EGLN3: variants seen among roughly 807,000 people sequenced by gnomAD.
The protein encoded by EGLN3 is prolyl hydroxylase EGLN3.
A neutral mutation model predicts 26.0 loss-of-function variants in EGLN3; 15 were observed. The ratio of observed to expected loss-of-function variants is 0.58; its 90% CI spans 0.39 to 0.89. EGLN3 has a LOEUF of 0.89. Ranked by LOEUF, EGLN3 falls within the 40% of genes least tolerant of loss-of-function variation. The pLI is 0.00. For missense variants in EGLN3, 238 were observed against 311.6 expected (o/e 0.76, Z 1.78); for synonymous variants, 147 against 127.2 (o/e 1.16, Z -1.05).
rs1210580185 is a variant in EGLN3, at chr14:33,950,774, C to T, written c.-22G>A. ...GCATCTCGCCCGCAGAATCGAGGTC[C>T]GGGATCCCCAGCGTGCAACCAGAGA... On this transcript the variant is annotated 5_prime_UTR_variant, in exon 1 of 5. Coordinates refer to ENST00000250457, the MANE Select transcript of EGLN3 (RefSeq NM_022073.4). 1 of 1,581,320 alleles carries T rather than the reference C, an allele frequency of 6.3e-7. No homozygotes were observed. Among genetic ancestry groups the T allele is most frequent in the Non-Finnish European group, 8.6e-7 (1 of 1,157,514 alleles).
intron 1 of EGLN3, chr14:33,949,067 A>G (rs2138830630): frequency 6.6e-6 from 1 of 152,362 alleles, no homozygotes; most frequent in East Asian, 1.9e-4. Context: ...TTTTTCCCCA[A>G]AGTAAAATTT....
At chr14:33,935,586 TACACAC>T (rs34931469) in intron 1 of EGLN3, among the ~76,000 whole-genome samples, 24,498 of 146,728 alleles carry the variant, frequency 0.17, 2,133 homozygotes, top group East Asian at 0.31. Context: ...TATAAATAAA[TACACAC>T]ACACACACAC....
At chr14:33,931,310 G>A in intron 1 of EGLN3, 95 bp from the exon 2 acceptor site, 1 of 1,558,000 alleles carries the variant, frequency 6.4e-7, no homozygotes, top group Non-Finnish European at 8.7e-7. Context: ...GTCTCCTTGG[G>A]TGTTACGTGA....
At chr14:33,927,088 CA>C in intron 3 of EGLN3, 55 bp from the exon 4 acceptor site, 1 of 1,273,046 alleles carries the variant, frequency 7.9e-7, no homozygotes, top group Non-Finnish European at 1.1e-6. Flanking sequence ...ACTAGAAACA[CA>C]AATGTCCTAT....
At chr14:33,938,491 C>T (rs2064457802) in intron 1 of EGLN3, among the ~76,000 whole-genome samples, 1 of 152,194 alleles carries the variant, frequency 6.6e-6, no homozygotes, top group Non-Finnish European at 1.5e-5. Flanking sequence ...GACAGGGCTA[C>T]GTGCGCTGCG....
chr14:33,928,984 C>T, intron 3 of EGLN3, 92 bp downstream of exon 3: 4 of 1,460,602 alleles, frequency 2.7e-6, no homozygotes, highest in Non-Finnish European at 3.7e-6. Context: ...TGGTCAATCC[C>T]CCACATGCAC....
rs35754061 is a variant in EGLN3 at position 33,924,941 on chromosome 14, T to TAAAAAAAAAAAAAAA, written c.*935_*949dup. ...GGGTGAGCTCATTAAAAAGGAAAAC[T>TAAAAAAAAAAAAAAA]AAAAAAAAAAAAAAAAAAAAAACAG... is the stretch of plus-strand genomic sequence containing the variant. On this transcript the variant is annotated 3_prime_UTR_variant, in exon 5 of 5. Coordinates refer to ENST00000250457, the MANE Select transcript of EGLN3 (RefSeq NM_022073.4). The TAAAAAAAAAAAAAAA allele has an allele frequency of 6.8e-5, 7 of 103,360 alleles. No individual in the cohort carries two copies. In the East Asian group the frequency reaches 9.6e-4, roughly 14 times the overall value. 6.4% of individuals were successfully genotyped at this position (103,360 alleles called of 1,614,324 possible).
chr14:33,947,320 C>T (rs1032163330), intron 1 of EGLN3, among the ~76,000 whole-genome samples: 1 of 152,160 alleles, frequency 6.6e-6, no homozygotes, highest in African/African-American at 2.4e-5. Context: ...CTGTACATTA[C>T]AGGAACCACT....
chr14:33,946,015 C>T (rs765299604), intron 1 of EGLN3, among the ~76,000 whole-genome samples: 1 of 152,186 alleles, frequency 6.6e-6, no homozygotes, highest in Non-Finnish European at 1.5e-5. Context: ...CTCACAATGC[C>T]ACCTTCCAGA....
intron 1 of EGLN3, among the ~76,000 whole-genome samples, chr14:33,938,832 T>TA (rs1186600650): frequency 6.6e-6 from 1 of 152,202 alleles, no homozygotes; most frequent in African/African-American, 2.4e-5. Flanking sequence ...GTGCCCTGAG[T>TA]CACACCGCTC....
intron 2 of EGLN3, among the ~76,000 whole-genome samples, chr14:33,929,778 G>T (rs2064389133): frequency 6.6e-6 from 1 of 152,038 alleles, no homozygotes; most frequent in Non-Finnish European, 1.5e-5. Flanking sequence ...CTATTAGATT[G>T]AATCATACCG....
chr14:33,937,039 G>A (rs1270270207), intron 1 of EGLN3, among the ~76,000 whole-genome samples: 1 of 152,188 alleles, frequency 6.6e-6, no homozygotes, highest in Non-Finnish European at 1.5e-5. Flanking sequence ...ATCTACTGTT[G>A]TCAAGTAAAT....
rs757568811 is a variant in EGLN3 at position 33,950,377 on chromosome 14, G to A, written c.357+19C>T. 5 of 1,611,126 alleles carry A rather than the reference G, an allele frequency of 3.1e-6. No individual in the cohort carries two copies. Among genetic ancestry groups the A allele is most frequent in the Non-Finnish European group, 2.5e-6 (3 of 1,178,406 alleles). On this transcript the variant is annotated intron_variant, in intron 1 of 4. Coordinates refer to ENST00000250457, the MANE Select transcript of EGLN3 (RefSeq NM_022073.4). Reference sequence around the variant, plus strand: ...GTCCCCGCGGGAGCAGCTGCGGCAGGGCGCCGAGCGCGTCCTACCTTAGAC... The same window carrying A: ...GTCCCCGCGGGAGCAGCTGCGGCAGAGCGCCGAGCGCGTCCTACCTTAGAC...
At chr14:33,938,800 C>A (rs2064460158) in intron 1 of EGLN3, among the ~76,000 whole-genome samples, 1 of 152,192 alleles carries the variant, frequency 6.6e-6, no homozygotes, top group East Asian at 1.9e-4. Flanking sequence ...TTCCTGGTTA[C>A]TGGGAAGGTG....
At chr14:33,931,737 A>G (rs1680702) in intron 1 of EGLN3, among the ~76,000 whole-genome samples, 138,162 of 152,274 alleles carry the variant, frequency 0.91, 63,303 homozygotes, top group Non-Finnish European at 0.97. Context: ...TACTCAATAA[A>G]ATGCTCAGGA....
intron 1 of EGLN3, chr14:33,948,375 T>C (rs1333456482): frequency 2.0e-5 from 3 of 152,224 alleles, no homozygotes. Context: ...CTGGTTTGCA[T>C]TTGGTTCTAA....
At chr14:33,926,578 G>A (rs142996563) in intron 4 of EGLN3, among the ~76,000 whole-genome samples, 3 of 152,284 alleles carry the variant, frequency 2.0e-5, no homozygotes, top group Admixed American at 6.5e-5. Flanking sequence ...GTTATACTGA[G>A]AGTCACAGTC....
intron 1 of EGLN3, among the ~76,000 whole-genome samples, chr14:33,940,535 T>C (rs552692924): frequency 4.6e-5 from 7 of 152,266 alleles, no homozygotes; most frequent in African/African-American, 1.7e-4. Flanking sequence ...TCTCAAACTT[T>C]AGCATGTATG....
At chr14:33,932,092 C>T (rs1471819576) in intron 1 of EGLN3, among the ~76,000 whole-genome samples, 1 of 152,074 alleles carries the variant, frequency 6.6e-6, no homozygotes, top group Non-Finnish European at 1.5e-5. Context: ...CAGGATACCG[C>T]CATGTTTGAA....
Sources: allele counts gnomAD v4.1 joint callset (sites outside exome capture counted in the v4.1 genomes callset), GRCh38; gene constraint gnomAD v4.1.1; transcripts MANE v1.5; gene names NCBI Gene and HGNC (gene_info 2026-07-23, HGNC 2026-07-21).